ZNF652: variants seen among roughly 807,000 people sequenced by gnomAD.
ZNF652 encodes zinc finger protein 652.
Under a neutral mutation model 45.2 loss-of-function variants are expected in ZNF652, and 16 were observed. That is an observed-to-expected ratio of 0.35 (90% CI 0.24 to 0.54). The LOEUF (loss-of-function observed/expected upper bound fraction) is 0.54. ZNF652 is among the 20% of genes least tolerant of loss of function. ZNF652 has a pLI of 0.91. For synonymous variants in ZNF652, 250 were observed against 260.6 expected (o/e 0.96, Z 0.39); for missense variants, 614 against 765.6 (o/e 0.80, Z 2.34).
intron 5 of ZNF652, among the ~76,000 whole-genome samples, chr17:49,310,115 G>A (rs1157867970): frequency 6.6e-6 from 1 of 152,064 alleles, no homozygotes; most frequent in African/African-American, 2.4e-5. Flanking sequence ...CACCATGCCC[G>A]GCTAATTTTT....
At chr17:49,354,504 G>T (rs987535910) in intron 1 of ZNF652, among the ~76,000 whole-genome samples, 1 of 151,066 alleles carries the variant, frequency 6.6e-6, no homozygotes, top group Non-Finnish European at 1.5e-5. Context: ...CCAGCTACTC[G>T]GGAGGCCAAG....
intron 1 of ZNF652, among the ~76,000 whole-genome samples, chr17:49,340,137 G>A (rs946785398): frequency 3.3e-5 from 5 of 152,158 alleles, no homozygotes; most frequent in Admixed American, 6.5e-5. Flanking sequence ...TTTTGGGGCC[G>A]GGTGCAGTGA....
At chr17:49,316,598 T>TCC (rs2069807753) in intron 2 of ZNF652, among the ~76,000 whole-genome samples, 1 of 152,134 alleles carries the variant, frequency 6.6e-6, no homozygotes, top group Non-Finnish European at 1.5e-5. Flanking sequence ...CTATAACAGA[T>TCC]CCCCCTTCCA....
intron 1 of ZNF652, among the ~76,000 whole-genome samples, chr17:49,360,079 T>C (rs936503223): frequency 6.6e-6 from 1 of 152,238 alleles, no homozygotes; most frequent in Non-Finnish European, 1.5e-5. Flanking sequence ...ATTTTGACTC[T>C]AGTTTTAACT....
intron 5 of ZNF652, among the ~76,000 whole-genome samples, chr17:49,308,428 T>C (rs901853863): frequency 1.4e-4 from 22 of 152,166 alleles, no homozygotes; most frequent in Non-Finnish European, 2.4e-4. Context: ...CCACCTGCCT[T>C]GGCCTCCCAA....
chr17:49,334,725 G>C (rs1195448839), intron 1 of ZNF652, among the ~76,000 whole-genome samples: 1 of 151,304 alleles, frequency 6.6e-6, no homozygotes, highest in Non-Finnish European at 1.5e-5. Flanking sequence ...GTTGCAGTGA[G>C]CTGAGATCTT....
intron 1 of ZNF652, among the ~76,000 whole-genome samples, chr17:49,353,048 T>C (rs1598318667): frequency 6.6e-6 from 1 of 152,136 alleles, no homozygotes; most frequent in Admixed American, 6.6e-5. Context: ...GTGGTGGTGG[T>C]GGTGGTGGTT....
chr17:49,345,608 G>A (rs1171366047), intron 1 of ZNF652, among the ~76,000 whole-genome samples: 1 of 151,584 alleles, frequency 6.6e-6, no homozygotes, highest in Non-Finnish European at 1.5e-5. Context: ...TTGGGAGGCT[G>A]AGGTGGGCCG....
intron 1 of ZNF652, among the ~76,000 whole-genome samples, chr17:49,351,980 C>T (rs1017435141): frequency 9.2e-5 from 14 of 151,996 alleles, no homozygotes; most frequent in African/African-American, 2.7e-4. Flanking sequence ...TGGGTGACAG[C>T]GCAGGACTGT....
intron 1 of ZNF652, among the ~76,000 whole-genome samples, chr17:49,325,608 C>T (rs2069948011): frequency 6.6e-6 from 1 of 151,196 alleles, no homozygotes; most frequent in African/African-American, 2.4e-5. Flanking sequence ...TGCAATAAAA[C>T]AAGGTAGGCC....
intron 1 of ZNF652, among the ~76,000 whole-genome samples, chr17:49,328,331 A>G (rs1314358200): frequency 6.6e-6 from 1 of 152,074 alleles, no homozygotes; most frequent in African/African-American, 2.4e-5. Context: ...AAAACACCAC[A>G]GGAAAATGAC....
At chr17:49,345,351 T>G (rs750318103) in intron 1 of ZNF652, among the ~76,000 whole-genome samples, 57 of 151,390 alleles carry the variant, frequency 3.8e-4, no homozygotes, top group Non-Finnish European at 7.4e-4. Flanking sequence ...TATAGGTATG[T>G]TCCACTAGGC....
intron 1 of ZNF652, among the ~76,000 whole-genome samples, chr17:49,335,720 T>C (rs2070072858): frequency 6.6e-6 from 1 of 152,200 alleles, no homozygotes; most frequent in South Asian, 2.1e-4. Context: ...AAAATTAGCT[T>C]ATGAATCTCA....
At chr17:49,356,489 C>G (rs1045794509) in intron 1 of ZNF652, among the ~76,000 whole-genome samples, 1 of 120,380 alleles carries the variant, frequency 8.3e-6, no homozygotes, top group African/African-American at 3.1e-5. Context: ...CCCCTCCTCA[C>G]AAAGAAAAAG....
intron 1 of ZNF652, among the ~76,000 whole-genome samples, chr17:49,353,093 C>A (rs927382468): frequency 6.6e-6 from 1 of 152,104 alleles, no homozygotes; most frequent in Non-Finnish European, 1.5e-5. Flanking sequence ...GTATGAATAT[C>A]AAAATGTCAA....
downstream of ZNF652, chr17:49,289,067 C>A (rs889720373): frequency 4.6e-5 from 7 of 152,134 alleles, no homozygotes; most frequent in Non-Finnish European, 1.5e-5. Flanking sequence ...CTATTACCAT[C>A]ACTAGAAACA....
At chr17:49,356,204 G>A (rs966221829) in intron 1 of ZNF652, among the ~76,000 whole-genome samples, 1 of 151,862 alleles carries the variant, frequency 6.6e-6, no homozygotes, top group South Asian at 2.1e-4. Flanking sequence ...AAGGCAGGTG[G>A]ATCATAAGGA....
intron 5 of ZNF652, among the ~76,000 whole-genome samples, chr17:49,309,818 G>A (rs1339932847): frequency 6.6e-6 from 1 of 152,194 alleles, no homozygotes; most frequent in Non-Finnish European, 1.5e-5. Context: ...TGTTCTGAAT[G>A]AGAAAGAAGC....
intron 1 of ZNF652, among the ~76,000 whole-genome samples, chr17:49,335,392 T>C (rs1276491230): frequency 7.9e-5 from 12 of 152,170 alleles, no homozygotes; most frequent in Non-Finnish European, 1.8e-4. Flanking sequence ...ACTCACGGGA[T>C]TCCCTTCCAC....
Sources: allele counts gnomAD v4.1 joint callset (sites outside exome capture counted in the v4.1 genomes callset), GRCh38; gene constraint gnomAD v4.1.1; transcripts MANE v1.5; gene names NCBI Gene and HGNC (gene_info 2026-07-23, HGNC 2026-07-21).